The following PDE4A variants were observed in gnomAD, a reference collection of about 807,000 sequenced individuals.
PDE4A encodes phosphodiesterase 4A.
In PDE4A, 21 loss-of-function variants were observed where a neutral mutation model predicts 73.9. That is an observed-to-expected ratio of 0.28 (90% CI 0.20 to 0.41). The LOEUF (loss-of-function observed/expected upper bound fraction) is 0.41. Among genes scored for constraint, PDE4A ranks in the 10% least tolerant of loss-of-function variants. The pLI, the probability that PDE4A is intolerant of heterozygous loss-of-function variation, is 1.00. For missense variants in PDE4A, 958 were observed against 1,211.4 expected, an observed-to-expected ratio of 0.79 and a Z score of 3.10; for synonymous variants, 463 against 505.4, an observed-to-expected ratio of 0.92 and a Z score of 1.13.
At chr19:10,428,124 G>A (rs1379665649) in intron 1 of PDE4A, among the ~76,000 whole-genome samples, 1 of 152,116 alleles carries the variant, frequency 6.6e-6, no homozygotes, top group Non-Finnish European at 1.5e-5. Context: ...GGCCAAGGCG[G>A]GCAGATCACT....
intron 1 of PDE4A, among the ~76,000 whole-genome samples, chr19:10,442,768 A>G (rs1325501989): frequency 6.7e-6 from 1 of 148,902 alleles, no homozygotes. Context: ...ATATTACCAT[A>G]TTACTATTAT....
chr19:10,454,297 T>C (rs2043139406), intron 6 of PDE4A, among the ~76,000 whole-genome samples: 1 of 152,206 alleles, frequency 6.6e-6, no homozygotes, highest in African/African-American at 2.4e-5. Flanking sequence ...CGTTCCCTTT[T>C]TCCAAACTGA....
At chr19:10,427,693 C>A (rs1262384086) in intron 1 of PDE4A, 8 of 962,168 alleles carry the variant, frequency 8.3e-6, no homozygotes, top group African/African-American at 1.8e-5. Flanking sequence ...GATTGGGAGA[C>A]CCTAGCCAAG....
chr19:10,456,074 C>G (rs1180266190), intron 7 of PDE4A, among the ~76,000 whole-genome samples: 1 of 151,320 alleles, frequency 6.6e-6, no homozygotes, highest in African/African-American at 2.4e-5. Flanking sequence ...GAACCCTAAT[C>G]TCTAGAAGAT....
At chr19:10,441,721 G>T (rs993976469) in intron 1 of PDE4A, among the ~76,000 whole-genome samples, 1 of 127,514 alleles carries the variant, frequency 7.8e-6, no homozygotes, top group African/African-American at 3.1e-5. Context: ...ATGGAGTCTC[G>T]CTCTGTCATC....
intron 1 of PDE4A, among the ~76,000 whole-genome samples, chr19:10,433,138 C>T (rs2042816742): frequency 6.6e-6 from 1 of 152,104 alleles, no homozygotes; most frequent in Non-Finnish European, 1.5e-5. Context: ...TCTTGCTTTC[C>T]TGCTCCATGG....
intron 1 of PDE4A, among the ~76,000 whole-genome samples, chr19:10,433,305 C>G (rs2042819706): frequency 7.1e-6 from 1 of 141,326 alleles, no homozygotes; most frequent in Admixed American, 7.0e-5. Context: ...CAACCCTGGC[C>G]CAGCCCTCGC....
At chr19:10,436,085 G>A (rs1043669228) in intron 1 of PDE4A, among the ~76,000 whole-genome samples, 2 of 152,160 alleles carry the variant, frequency 1.3e-5, no homozygotes, top group Non-Finnish European at 2.9e-5. Flanking sequence ...CTTGGGAACA[G>A]AGTCTCACCA....
Position 10,467,485 on chromosome 19 carries a change from C to G in PDE4A, c.2525C>G (p.Thr842Arg). The G allele has an allele frequency of 6.2e-7, 1 of 1,612,892 alleles. No homozygotes were observed. Among genetic ancestry groups the G allele is most frequent in the Non-Finnish European group, 8.5e-7 (1 of 1,179,762 alleles). ...CCGGGCCTCCCGGGCCTCCCCTCCA[C>G]GGCGGCCGAGGTGGAGGCCCAACGA... ...HAPGLPGLPS[T>R]AAEVEAQREH... is the part of the protein sequence containing the mutation. Residue 842 changes from threonine to arginine, a missense_variant, in exon 15 of 15, where the codon ACG becomes AGG. Around this residue, in one of 3 missense-constraint regions of PDE4A, gnomAD observed 243 missense variants for 245.9 expected, o/e 0.99. Coordinates refer to ENST00000380702, the MANE Select transcript of PDE4A (RefSeq NM_001111307.2).
chr19:10,439,287 T>C (rs913446652), intron 1 of PDE4A, among the ~76,000 whole-genome samples: 4 of 151,998 alleles, frequency 2.6e-5, no homozygotes, highest in African/African-American at 9.7e-5. Flanking sequence ...GTTCAAGCAA[T>C]TATCTGGCTG....
At position 10,467,169 on chromosome 19, in the gene PDE4A, C is replaced by G. The variant is rs1320279117; in HGVS notation, c.2209C>G (p.Gln737Glu). 6.2e-7 allele frequency: 1 copy of G among 1,614,064 alleles called. No individual in the cohort carries two copies. Among genetic ancestry groups the G allele is most frequent in the African/African-American group, 1.3e-5 (1 of 74,940 alleles). Residue 737 changes from glutamine to glutamate, a missense_variant, in exon 15 of 15, where the codon CAG (glutamine) becomes GAG (glutamate). By Grantham distance (29) the Gln-to-Glu change is conservative. Transcript: ENST00000380702. ...PCTAQEALTAQGLSGVEEALD... is the reference protein window; with the variant it reads ...PCTAQEALTAEGLSGVEEALD... ...CACAGCCCAAGAGGCATTGACTGCG[C>G]AGGGATTGTCAGGAGTCGAGGAAGC... is the stretch of plus-strand genomic sequence containing the variant.
In PDE4A at chr19:10,431,886, C is replaced by A. The variant is rs2042793116; in HGVS notation, c.320+10802C>A. The stretch of plus-strand genomic sequence containing the variant: ...GCTTCTCTCCGGGTCTCTCTCTCTG[C>A]GTCCTGCGTCTCTGTCTCCACTTCT... On this transcript the variant is annotated intron_variant, in intron 1 of 14. Coordinates refer to ENST00000380702, the MANE Select transcript of PDE4A (RefSeq NM_001111307.2). 3.3e-5 allele frequency among the ~76,000 whole-genome samples: 5 copies of A among 152,190 alleles called. No homozygotes were observed. The South Asian group carries it at 1.0e-3, about 32-fold the overall frequency.
At position 10,425,871 on chromosome 19, in the gene PDE4A, C is replaced by T. The variant is rs543316732; in HGVS notation, c.320+4787C>T. On this transcript the variant is annotated intron_variant, in intron 1 of 14. Transcript: ENST00000380702. ...TGGTAGTGGTGCATGCCTGTAATCC[C>T]AGCTACTGGTGAGGCTGAGGCAGGA... is the stretch of plus-strand genomic sequence containing the variant. Among the ~76,000 whole-genome samples the T allele has an allele frequency of 2.0e-5, 3 of 151,094 alleles. No individual in the cohort carries two copies. In the East Asian group the frequency reaches 5.9e-4, roughly 29 times the overall value.
intron 1 of PDE4A, chr19:10,432,302 T>TG (rs1030283452): frequency 4.6e-5 from 55 of 1,194,412 alleles, no homozygotes; most frequent in Middle Eastern, 3.2e-4. Context: ...GGGCTGTCCC[T>TG]GGGGGGGTCA....
At chr19:10,441,776 G>A (rs528940757) in intron 1 of PDE4A, among the ~76,000 whole-genome samples, 14 of 131,306 alleles carry the variant, frequency 1.1e-4, no homozygotes, top group Admixed American at 5.2e-4. Flanking sequence ...TGCAACCTCC[G>A]CCTCCTGGGT....
upstream of PDE4A, chr19:10,417,547 C>G: frequency 6.9e-7 from 1 of 1,447,682 alleles, no homozygotes; most frequent in Non-Finnish European, 9.1e-7. Context: ...TGAAGGGGAG[C>G]CTATACCGCC....
intron 10 of PDE4A, among the ~76,000 whole-genome samples, chr19:10,460,479 A>G (rs1248345041): frequency 6.6e-6 from 1 of 151,650 alleles, no homozygotes; most frequent in Admixed American, 6.6e-5. Flanking sequence ...AGCCTGGGCA[A>G]CAAAGTGAGA....
At chr19:10,442,576 A>T (rs55939834) in intron 1 of PDE4A, among the ~76,000 whole-genome samples, 12,951 of 151,992 alleles carry the variant, frequency 0.085, 585 homozygotes, top group African/African-American at 0.11. Flanking sequence ...CTTTAGGCAT[A>T]GCGTTTCATG....
chr19:10,427,703 G>T (rs1265590885), intron 1 of PDE4A: 1 of 951,288 alleles, frequency 1.1e-6, no homozygotes, highest in East Asian at 1.2e-4. Context: ...CCCTAGCCAA[G>T]TCACTCCTCT....
Sources: allele counts gnomAD v4.1 joint callset (sites outside exome capture counted in the v4.1 genomes callset), GRCh38; gene constraint gnomAD v4.1.1; regional missense constraint gnomAD v4.1.1; transcripts MANE v1.5; gene names NCBI Gene and HGNC (gene_info 2026-07-23, HGNC 2026-07-21).